The following APBB2 variants were observed in gnomAD, a reference collection of about 807,000 sequenced individuals.
APBB2 encodes the protein Fe65-like 1.
Under a neutral mutation model 82.5 loss-of-function variants are expected in APBB2, and 38 were observed. The ratio of observed to expected loss-of-function variants is 0.46; its 90% CI spans 0.36 to 0.60. The LOEUF (loss-of-function observed/expected upper bound fraction) is 0.60. APBB2 is among the 20% of genes least tolerant of loss of function. The pLI is 0.00. For missense variants in APBB2, 772 were observed against 972.3 expected, an observed-to-expected ratio of 0.79 and a Z score of 2.74; for synonymous variants, 341 against 368.2, an observed-to-expected ratio of 0.93 and a Z score of 0.85.
chr4:41,082,112 TAAAAG>T (rs1235153871), intron 3 of APBB2, among the ~76,000 whole-genome samples: 4 of 152,124 alleles, frequency 2.6e-5, no homozygotes, highest in African/African-American at 9.7e-5. Flanking sequence ...CGTTTAGACT[TAAAAG>T]GAAGTTATGG....
rs544441945 is a variant in APBB2 at position 41,146,928 on chromosome 4, T to C, written c.-416-3786A>G. ...AGAGCCCGAACAAACACAATGGCTC[T>C]GTCCCGCCTCAACTGAGAAGTCAGG... On this transcript the variant is annotated intron_variant, in intron 1 of 17. Coordinates refer to ENST00000508593, the MANE Select transcript of APBB2 (RefSeq NM_004307.2). 3.3e-5 allele frequency among the ~76,000 whole-genome samples: 5 copies of C among 152,344 alleles called. No homozygotes were observed. In the East Asian group the frequency reaches 9.6e-4, roughly 29 times the overall value.
intron 1 of APBB2, among the ~76,000 whole-genome samples, chr4:41,189,230 G>A (rs1214475059): frequency 6.6e-6 from 1 of 152,150 alleles, no homozygotes; most frequent in Non-Finnish European, 1.5e-5. Flanking sequence ...CAACAACGTG[G>A]ATGGTTGCAC....
At chr4:40,858,212 A>G (rs980084901) in intron 12 of APBB2, among the ~76,000 whole-genome samples, 7 of 152,298 alleles carry the variant, frequency 4.6e-5, no homozygotes, top group Non-Finnish European at 8.8e-5. Context: ...CACTAGTCAT[A>G]TAAATATATG....
chr4:40,950,072 A>G (rs765646457), intron 6 of APBB2, among the ~76,000 whole-genome samples: 36 of 152,144 alleles, frequency 2.4e-4, no homozygotes, highest in Non-Finnish European at 4.1e-4. Flanking sequence ...GTTTACAGAA[A>G]CTGCAGAAAT....
At chr4:41,021,441 C>G (rs1454728041) in intron 5 of APBB2, among the ~76,000 whole-genome samples, 1 of 152,056 alleles carries the variant, frequency 6.6e-6, no homozygotes, top group Admixed American at 6.5e-5. Flanking sequence ...CCAATCAGCA[C>G]TCTGTAAAAA....
intron 6 of APBB2, among the ~76,000 whole-genome samples, chr4:40,959,726 A>T (rs1237779438): frequency 6.6e-6 from 1 of 152,204 alleles, no homozygotes; most frequent in Admixed American, 6.5e-5. Context: ...CTACACTCTC[A>T]TAGATTAGAA....
intron 6 of APBB2, chr4:40,990,133 C>T (rs758119767): frequency 7.2e-5 from 11 of 152,164 alleles, no homozygotes; most frequent in Non-Finnish European, 1.6e-4. Flanking sequence ...ATATTAATTA[C>T]TCAGCTTTAA....
At chr4:41,155,124 TAAC>T (rs1763142537) in intron 1 of APBB2, among the ~76,000 whole-genome samples, 1 of 152,250 alleles carries the variant, frequency 6.6e-6, no homozygotes, top group South Asian at 2.1e-4. Flanking sequence ...GGCATTTTAC[TAAC>T]AACAACTTGA....
At chr4:41,104,650 C>A (rs112683940) in intron 2 of APBB2, among the ~76,000 whole-genome samples, 6 of 152,238 alleles carry the variant, frequency 3.9e-5, no homozygotes, top group African/African-American at 1.4e-4. Flanking sequence ...CTTGGCCCTG[C>A]CACTCTCCTC....
chr4:41,197,013 CAATT>C, intron 1 of APBB2, among the ~76,000 whole-genome samples: 3 of 152,082 alleles, frequency 2.0e-5, no homozygotes, highest in African/African-American at 7.2e-5. Context: ...AATTTGAAGA[CAATT>C]AACAACAAAC....
intron 10 of APBB2, among the ~76,000 whole-genome samples, chr4:40,917,661 A>G (rs1275443886): frequency 2.0e-5 from 3 of 152,234 alleles, no homozygotes; most frequent in South Asian, 2.1e-4. Context: ...GGTCAATTTT[A>G]TCAGAGAGGG....
chr4:41,118,211 A>G (rs1214059897), intron 2 of APBB2: 1 of 151,408 alleles, frequency 6.6e-6, no homozygotes, highest in Non-Finnish European at 1.5e-5. Flanking sequence ...AGATCCTATC[A>G]AAACAAAAAA....
chr4:40,853,471 G>A (rs1409317393), intron 12 of APBB2, among the ~76,000 whole-genome samples: 2 of 149,344 alleles, frequency 1.3e-5, no homozygotes, highest in African/African-American at 2.5e-5. Flanking sequence ...TTTTTTTTGC[G>A]ATGGAGTTTC....
At chr4:41,013,536 T>TA (rs75237991) in intron 6 of APBB2, 47 bp downstream of exon 6, 110,890 of 1,012,462 alleles carry the variant, frequency 0.11, 24 homozygotes, top group East Asian at 0.17. Flanking sequence ...GTTGAAAAGA[T>TA]AAAAAAAAAA....
chr4:40,962,106 T>A (rs148866696), intron 6 of APBB2, among the ~76,000 whole-genome samples: 97 of 152,288 alleles, frequency 6.4e-4, no homozygotes, highest in South Asian at 2.9e-3. Flanking sequence ...AATAGCTTGG[T>A]TTTTCTTTCC....
At chr4:41,011,434 C>T (rs1331950672) in intron 6 of APBB2, among the ~76,000 whole-genome samples, 1 of 147,750 alleles carries the variant, frequency 6.8e-6, no homozygotes, top group Non-Finnish European at 1.5e-5. Flanking sequence ...TGCGCCTGGC[C>T]TAATTTTTAT....
At chr4:41,147,255 A>G (rs961294911) in intron 1 of APBB2, among the ~76,000 whole-genome samples, 5 of 152,202 alleles carry the variant, frequency 3.3e-5, no homozygotes, top group Non-Finnish European at 7.3e-5. Flanking sequence ...ATAACCTCTA[A>G]CCCAAGAATC....
At chr4:41,125,734 T>C (rs1754181362) in intron 2 of APBB2, among the ~76,000 whole-genome samples, 1 of 152,206 alleles carries the variant, frequency 6.6e-6, no homozygotes, top group African/African-American at 2.4e-5. Context: ...TTCCAACTCC[T>C]ACTGTAAGTA....
At chr4:40,873,967 A>G (rs1198898630) in intron 12 of APBB2, among the ~76,000 whole-genome samples, 3 of 152,256 alleles carry the variant, frequency 2.0e-5, no homozygotes, top group Non-Finnish European at 4.4e-5. Context: ...ATCAAAATTT[A>G]TATCCTATTT....
Sources: allele counts gnomAD v4.1 joint callset (sites outside exome capture counted in the v4.1 genomes callset), GRCh38; gene constraint gnomAD v4.1.1; transcripts MANE v1.5; gene names NCBI Gene and HGNC (gene_info 2026-07-23, HGNC 2026-07-21).